SYNCRIP: variants seen among roughly 807,000 people sequenced by gnomAD.
The protein encoded by SYNCRIP is heterogeneous nuclear ribonucleoprotein Q.
In SYNCRIP, 9 loss-of-function variants were observed where a neutral mutation model predicts 68.9. The ratio of observed to expected loss-of-function variants is 0.13; its 90% CI spans 0.08 to 0.23. SYNCRIP has a LOEUF of 0.23. Among genes scored for constraint, SYNCRIP ranks in the 10% least tolerant of loss-of-function variants. The pLI is 1.00. For missense variants in SYNCRIP, 414 were observed against 770.6 expected (o/e 0.54, Z 5.48); for synonymous variants, 258 against 254.0 (o/e 1.02, Z -0.15).
chr6:85,629,379 T>C (rs1202328299), intron 6 of SYNCRIP, among the ~76,000 whole-genome samples: 1 of 152,008 alleles, frequency 6.6e-6, no homozygotes, highest in Non-Finnish European at 1.5e-5. Flanking sequence ...AACACACTAT[T>C]TGCTAAATTA....
At chr6:85,642,516 A>G (rs1461561674) in intron 1 of SYNCRIP, among the ~76,000 whole-genome samples, 1 of 152,042 alleles carries the variant, frequency 6.6e-6, no homozygotes, top group African/African-American at 2.4e-5. Context: ...CCACGACAGC[A>G]CCAACTCTGA....
chr6:85,635,893 GA>G (rs201938253), intron 6 of SYNCRIP, among the ~76,000 whole-genome samples: 1,843 of 149,996 alleles, frequency 0.012, 32 homozygotes, highest in African/African-American at 0.039. Flanking sequence ...AGGAGGGAGG[GA>G]AAAAAAAATG....
intron 8 of SYNCRIP, among the ~76,000 whole-genome samples, chr6:85,621,840 C>T (rs1371787607): frequency 6.7e-6 from 1 of 149,222 alleles, no homozygotes; most frequent in Non-Finnish European, 1.5e-5. Context: ...ACCATGTAAA[C>T]TAATGGTGCC....
Position 85,614,662 on chromosome 6 carries a change from C to G in SYNCRIP, c.*94G>C. The G allele has an allele frequency of 6.9e-7, 1 of 1,441,562 alleles. No homozygotes were observed. Among genetic ancestry groups the G allele is most frequent in the Non-Finnish European group, 9.1e-7 (1 of 1,096,044 alleles). The allele number at this position is 1,441,562 out of a possible 1,614,324, so 89.3% of individuals were successfully genotyped here. ...AATATATACATAAAGGGAAATCTTG[C>G]CAGATGTCACAAATTATAGCGGCAC... is the stretch of plus-strand genomic sequence containing the variant. On this transcript the variant is annotated 3_prime_UTR_variant, in exon 11 of 11. Transcript: ENST00000369622.
rs574685450 is a variant in SYNCRIP at position 85,634,180 on chromosome 6, G to A, written c.666+2787C>T. On this transcript the variant is annotated intron_variant, in intron 6 of 10. Coordinates refer to ENST00000369622, the MANE Select transcript of SYNCRIP (RefSeq NM_006372.5). Reference sequence around the variant, plus strand: ...CAGCAATGCAATTTTATAATTTAACGTATTTATTAAACAAGGCAATTGTAC... The same window carrying A: ...CAGCAATGCAATTTTATAATTTAACATATTTATTAAACAAGGCAATTGTAC... Among the ~76,000 whole-genome samples the A allele has an allele frequency of 9.6e-4, 146 of 152,142 alleles. 2 individuals carry two copies. The South Asian group carries it at 0.028, about 29-fold the overall frequency.
intron 10 of SYNCRIP, among the ~76,000 whole-genome samples, chr6:85,616,351 A>G (rs1467335853): frequency 6.6e-6 from 1 of 152,140 alleles, no homozygotes; most frequent in Non-Finnish European, 1.5e-5. Context: ...TTTGAGACAC[A>G]GTCTTGCTCT....
intron 2 of SYNCRIP, 44 bp from the exon 3 acceptor site, chr6:85,640,608 G>C (rs1281929835): frequency 7.9e-7 from 1 of 1,271,360 alleles, no homozygotes. Context: ...TTTTAGAAAA[G>C]ATTTTTTAGA....
exon 12 of SYNCRIP, chr6:85,608,857 T>C (rs547730609): frequency 1.3e-5 from 2 of 152,138 alleles, no homozygotes; most frequent in Admixed American, 6.5e-5. Flanking sequence ...GTGGTGCTAA[T>C]AGAATTTAAG....
chr6:85,615,458 A>G (rs138951605), intron 10 of SYNCRIP, 111 bp from the exon 11 acceptor site: 59 of 639,750 alleles, frequency 9.2e-5, no homozygotes, highest in Non-Finnish European at 1.4e-4. Context: ...CATAATTCAC[A>G]TAACTTTAAT....
At chr6:85,613,700 C>G (rs1463761870), downstream of SYNCRIP, among the ~76,000 whole-genome samples, 4 of 152,172 alleles carry the variant, frequency 2.6e-5, no homozygotes, top group Non-Finnish European at 5.9e-5. Context: ...TAGGTAAGTA[C>G]AGTGATTATT....
rs1336254718 is a variant in SYNCRIP at position 85,614,614 on chromosome 6, T to C, written c.*142A>G. 10 of 1,320,412 alleles carry C rather than the reference T, an allele frequency of 7.6e-6. No homozygotes were observed. Among genetic ancestry groups the C allele is most frequent in the Non-Finnish European group, 9.7e-6 (10 of 1,035,286 alleles). The allele number at this position is 1,320,412 out of a possible 1,614,324, so 81.8% of individuals were successfully genotyped here. On this transcript the variant is annotated 3_prime_UTR_variant, in exon 11 of 11. Coordinates refer to ENST00000369622, the MANE Select transcript of SYNCRIP (RefSeq NM_006372.5). ...AGAAGCAGTTAGAAGTGTGGCTTTG[T>C]TCGTGTCCAAGCGGATTGTTAAAAT...
chr6:85,608,943 A>G (rs766143348), exon 12 of SYNCRIP: 1 of 152,024 alleles, frequency 6.6e-6, no homozygotes, highest in Non-Finnish European at 1.5e-5. Context: ...GCCTGTGAGC[A>G]CTGCTTCATA....
At chr6:85,611,089 T>C (rs1805200810), downstream of SYNCRIP, 1 of 152,038 alleles carries the variant, frequency 6.6e-6, no homozygotes, top group Non-Finnish European at 1.5e-5. Flanking sequence ...GTAACTGACA[T>C]ACAACATACT....
intron 6 of SYNCRIP, among the ~76,000 whole-genome samples, chr6:85,630,906 T>C (rs1019893933): frequency 3.3e-5 from 5 of 152,238 alleles, no homozygotes; most frequent in African/African-American, 1.2e-4. Context: ...ATCTATTTTA[T>C]CATTCTTAGA....
Position 85,615,065 on chromosome 6 carries a change from G to A in SYNCRIP, c.1563C>T (p.Ala521=), listed in dbSNP as rs764712343. 8.7e-5 allele frequency: 140 copies of A among 1,614,028 alleles called. 1 individual carries two copies. Among genetic ancestry groups the A allele is most frequent in the Middle Eastern group, 3.3e-4 (2 of 6,060 alleles). The change falls in exon 11 of 11, where the codon GCC becomes GCT. Residue 521 remains alanine, a synonymous_variant. Coordinates refer to ENST00000369622, the MANE Select transcript of SYNCRIP (RefSeq NM_006372.5). ...GRGAAPPRGR[A]GYSQRGGPGS... is the part of the protein sequence containing the mutation. ...CAGGACCTCCTCTCTGTGAATAACCGGCTCTACCGCGGGGAGGAGCAGCCC... is the reference window on the plus strand; with the variant it reads ...CAGGACCTCCTCTCTGTGAATAACCAGCTCTACCGCGGGGAGGAGCAGCCC...
chr6:85,618,256 A>G lies in SYNCRIP; in HGVS notation c.1280+562T>C, dbSNP rs201928768. On this transcript the variant is annotated intron_variant, in intron 10 of 10. Coordinates refer to ENST00000369622, the MANE Select transcript of SYNCRIP (RefSeq NM_006372.5). ...GTAAAATACAAAGAAAATATGTGAG[A>G]TAGGCCAGGCATGGTGGCTCACAGC... 5.3e-5 allele frequency among the ~76,000 whole-genome samples: 8 copies of G among 152,222 alleles called. No individual in the cohort carries two copies. In the East Asian group the frequency reaches 1.5e-3, roughly 29 times the overall value.
At chr6:85,635,294 T>C (rs1808310849) in intron 6 of SYNCRIP, among the ~76,000 whole-genome samples, 1 of 152,192 alleles carries the variant, frequency 6.6e-6, no homozygotes, top group Non-Finnish European at 1.5e-5. Flanking sequence ...TAAATCTGAA[T>C]TCCCTCTAAA....
downstream of SYNCRIP, chr6:85,612,383 G>A (rs1805314469): frequency 6.6e-6 from 1 of 152,148 alleles, no homozygotes; most frequent in Non-Finnish European, 1.5e-5. Context: ...ATTCAAAAGT[G>A]ATCACTATAA....
chr6:85,615,316 G>T lies in SYNCRIP; in HGVS notation c.1312C>A (p.His438Asn), dbSNP rs772964968. The T allele has an allele frequency of 6.4e-7, 1 of 1,551,594 alleles. No homozygotes were observed. Among genetic ancestry groups the T allele is most frequent in the Admixed American group, 1.9e-5 (1 of 53,322 alleles). ...CGACCTCTTGTTGGAGGGGGCATAT[G>T]AGGTGGACCATAATAGTAGTAATCG... ...YDDYYYYGPPHMPPPTRGRGR... is the reference protein window; with the variant it reads ...YDDYYYYGPPNMPPPTRGRGR... Residue 438 changes from histidine to asparagine, a missense_variant, in exon 11 of 11, where the codon CAT becomes AAT. His to Asn is a moderately conservative substitution (Grantham distance 68). This residue lies in a region of SYNCRIP where 72 missense variants were observed against 119.8 expected (regional missense o/e 0.60). Transcript: ENST00000369622.
Sources: allele counts gnomAD v4.1 joint callset (sites outside exome capture counted in the v4.1 genomes callset), GRCh38; gene constraint gnomAD v4.1.1; regional missense constraint gnomAD v4.1.1; transcripts MANE v1.5; gene names NCBI Gene and HGNC (gene_info 2026-07-23, HGNC 2026-07-21).